BEND2: variants seen among roughly 807,000 people sequenced by gnomAD.
BEND2 encodes the protein BEN domain-containing protein 2.
In BEND2, 19 loss-of-function variants were observed where a neutral mutation model predicts 43.8. The observed-to-expected ratio is 0.43, with a 90% CI of 0.30 to 0.64. The LOEUF is 0.64. Among genes scored for constraint, BEND2 ranks in the 30% least tolerant of loss-of-function variants. The pLI is 0.11. For synonymous variants in BEND2, 226 were observed against 210.1 expected, an observed-to-expected ratio of 1.08 and a Z score of -0.66; for missense variants, 544 against 574.0, an observed-to-expected ratio of 0.95 and a Z score of 0.53.
chrX:18,174,279 A>C, intron 11 of BEND2, 21 bp from the exon 12 acceptor site: 1 of 1,177,935 alleles, frequency 8.5e-7, no homozygotes, highest in Non-Finnish European at 1.2e-6. Context: ...ACAAAATCAT[A>C]TCCGTAAACA....
chrX:18,169,395 A>G (rs964062763), intron 13 of BEND2, among the ~76,000 whole-genome samples: 1 of 110,821 alleles, frequency 9.0e-6, no homozygotes, highest in African/African-American at 3.3e-5. Flanking sequence ...CGAAATGTCT[A>G]TTATCGGTGA....
chrX:18,216,824 TAA>T, intron 1 of BEND2, 91 bp from the exon 2 acceptor site: 1 of 696,401 alleles, frequency 1.4e-6, no homozygotes, highest in South Asian at 2.8e-5. Flanking sequence ...ATAGATTGTT[TAA>T]AAAACATATT....
chrX:18,218,817 G>A (rs1308482647), intron 1 of BEND2, among the ~76,000 whole-genome samples: 2 of 111,849 alleles, frequency 1.8e-5, no homozygotes, highest in East Asian at 2.8e-4. Flanking sequence ...CCGAGATTGC[G>A]CCATTGCACT....
At chrX:18,208,065 AT>A (rs1436520861) in intron 4 of BEND2, among the ~76,000 whole-genome samples, 1 of 111,232 alleles carries the variant, frequency 9.0e-6, no homozygotes, top group Non-Finnish European at 1.9e-5. Context: ...GTGATTAAAA[AT>A]TTTTTTGGCT....
rs187879518 is a variant in BEND2 at position 18,166,465 on chromosome X, G to T, written c.2186-1242C>A. Among the ~76,000 whole-genome samples, 35 of 111,929 alleles carry T rather than the reference G, an allele frequency of 3.1e-4. No individual in the cohort carries two copies. In the East Asian group the frequency reaches 8.7e-3, roughly 28 times the overall value. ...GGGTTCTGAAAAATCCCACAGAAAA[G>T]ATAAGTGGAGCCTCCTTTTGCTGAT... On this transcript the variant is annotated intron_variant, in intron 13 of 13. Coordinates refer to ENST00000380033, the MANE Select transcript of BEND2 (RefSeq NM_153346.5).
intron 5 of BEND2, among the ~76,000 whole-genome samples, chrX:18,202,337 GT>G (rs1925193374): frequency 8.9e-6 from 1 of 112,262 alleles, no homozygotes; most frequent in Non-Finnish European, 1.9e-5. Context: ...AATATGTGCA[GT>G]TTTTTACTTA....
In BEND2 at chrX:18,164,975, G is replaced by GT. The variant is rs751741762; in HGVS notation, c.*33dup. 100 of 1,111,610 alleles carry GT rather than the reference G, an allele frequency of 9.0e-5. No homozygotes were observed. In the African/African-American group the frequency reaches 1.8e-3, roughly 20 times the overall value. 91.6% of individuals were successfully genotyped at this position (1,111,610 alleles called of 1,213,427 possible). ...AGAAACTTACAAAATAGTCTTAACA[G>GT]TTAAAAAAAAAAAAAAAGTTTGGCA... On this transcript the variant is annotated 3_prime_UTR_variant, in exon 14 of 14. Transcript: ENST00000380033.
intron 6 of BEND2, among the ~76,000 whole-genome samples, chrX:18,200,673 G>T (rs1010220164): frequency 2.7e-5 from 3 of 110,952 alleles, no homozygotes; most frequent in Non-Finnish European, 5.7e-5. Flanking sequence ...ATTATAAACA[G>T]AGAACAGATC....
Position 18,177,699 on chromosome X carries a change from G to C in BEND2, c.1500C>G (p.Ala500=). 5 of 1,210,553 alleles carry C rather than the reference G, an allele frequency of 4.1e-6. No individual in the cohort carries two copies. The highest frequency in any genetic ancestry group is 4.5e-6 in the Non-Finnish European group (4 of 894,866). The part of the protein sequence containing the change: ...KIHLLAVQNM[A]KPKQAACYLV... ...AGTAGCAGGCTGCTTGCTTAGGTTT[G>C]GCCATATTTTGTACGGCCAGCAAAT... The change falls in exon 10 of 14, where the codon GCC becomes GCG. Residue 500 remains alanine, a synonymous_variant. Coordinates refer to ENST00000380033, the MANE Select transcript of BEND2 (RefSeq NM_153346.5).
intron 4 of BEND2, among the ~76,000 whole-genome samples, chrX:18,207,241 A>C (rs761360804): frequency 8.9e-6 from 1 of 112,526 alleles, no homozygotes; most frequent in African/African-American, 3.2e-5. Flanking sequence ...AAAATATTTT[A>C]GCTCATTCCA....
Position 18,176,144 on chromosome X carries a change from C to G in BEND2, c.1631-51G>C, listed in dbSNP as rs375227630. 5.9e-5 allele frequency: 67 copies of G among 1,133,574 alleles called. No individual in the cohort carries two copies. In the African/African-American group the frequency reaches 9.8e-4, roughly 17 times the overall value. The allele number at this position is 1,133,574 out of a possible 1,213,427, so 93.4% of individuals were successfully genotyped here. Reference sequence around the variant, plus strand: ...AAAATTAGAAAAAAAAATTAACAAACTAATGAAAAATTTTTTTCTTTAAAC... The same window carrying G: ...AAAATTAGAAAAAAAAATTAACAAAGTAATGAAAAATTTTTTTCTTTAAAC... On this transcript the variant is annotated intron_variant, in intron 10 of 13. Coordinates refer to ENST00000380033, the MANE Select transcript of BEND2 (RefSeq NM_153346.5).
Position 18,202,082 on chromosome X carries a change from C to T in BEND2, c.908-142G>A, listed in dbSNP as rs944945277. 9.4e-5 allele frequency: 54 copies of T among 574,607 alleles called. 1 individual carries two copies. Among genetic ancestry groups the T allele is most frequent in the Middle Eastern group, 9.8e-4 (2 of 2,034 alleles). 47.4% of individuals were successfully genotyped at this position (574,607 alleles called of 1,213,427 possible). On this transcript the variant is annotated intron_variant, in intron 5 of 13. Transcript: ENST00000380033. ...ACAAAAAGAATTTGTCCCCAGCAGA[C>T]TTACCCTTAAAGAAAGGTTAAAGAA...
chrX:18,195,751 C>T (rs1924923356), intron 6 of BEND2, among the ~76,000 whole-genome samples: 1 of 109,976 alleles, frequency 9.1e-6, no homozygotes, highest in Non-Finnish European at 1.9e-5. Flanking sequence ...TGATAGCAAG[C>T]ACCTGTAGTC....
chrX:18,182,488 G>A (rs1378096590), intron 8 of BEND2, among the ~76,000 whole-genome samples: 2 of 111,233 alleles, frequency 1.8e-5, no homozygotes, highest in Non-Finnish European at 3.8e-5. Flanking sequence ...CCAAAAAAAA[G>A]AAAGCAGAGT....
At position 18,171,104 on chromosome X, in the gene BEND2, A is replaced by C; in HGVS notation, c.2082T>G (p.Ile694Met). Residue 694 changes from isoleucine (I) to methionine (M), a missense_variant, in exon 13 of 14, where the codon ATT becomes ATG. Ile to Met is a conservative substitution (Grantham distance 10). This residue lies in a region of BEND2 where 501 missense variants were observed against 501.6 expected (regional missense o/e 1.00). Transcript: ENST00000380033. The stretch of plus-strand genomic sequence containing the variant: ...GGACATCTTTTGTGAAGAGTTTCTG[A>C]ATAAGGTATCTAGCCGACAGGCTTG... ...SCASLSARYLIQKLFTKDVLV... is the reference protein window; with the variant it reads ...SCASLSARYLMQKLFTKDVLV... 1 of 1,211,557 alleles carries C rather than the reference A, an allele frequency of 8.3e-7. No individual in the cohort carries two copies.
rs1923749600 is a variant in BEND2 at position 18,163,619 on chromosome X, T to G, written c.*1390A>C. 8.9e-6 allele frequency: 1 copy of G among 112,321 alleles called. No homozygotes were observed. The highest frequency in any genetic ancestry group is 1.9e-5 in the Non-Finnish European group (1 of 53,288). The allele number at this position is 112,321 out of a possible 1,213,427, so 9.3% of individuals were successfully genotyped here. ...TTAGCAATAGAAGTCTTGAAATTTT[T>G]TTCTAAATGTAAAGTTTTGTTTCTG... On this transcript the variant is annotated 3_prime_UTR_variant, in exon 14 of 14. Coordinates refer to ENST00000380033, the MANE Select transcript of BEND2 (RefSeq NM_153346.5).
chrX:18,192,414 G>A (rs1050865459), intron 7 of BEND2, among the ~76,000 whole-genome samples: 1 of 111,315 alleles, frequency 9.0e-6, no homozygotes, highest in Non-Finnish European at 1.9e-5. Context: ...AGCAAATCTT[G>A]GAGCATCAAA....
chrX:18,168,775 A>G (rs976910234), intron 13 of BEND2, among the ~76,000 whole-genome samples: 4 of 111,713 alleles, frequency 3.6e-5, no homozygotes, highest in African/African-American at 1.3e-4. Context: ...TTTGACTACT[A>G]ATTTTCAGAA....
At chrX:18,199,734 T>C (rs995059935) in intron 6 of BEND2, among the ~76,000 whole-genome samples, 1 of 111,226 alleles carries the variant, frequency 9.0e-6, no homozygotes, top group African/African-American at 3.3e-5. Context: ...CAAAACTATG[T>C]TCCTTGAAGA....
Sources: gnomAD v4.1 joint callset for allele counts (sites outside exome capture counted in the v4.1 genomes callset) on GRCh38, gnomAD v4.1.1 for gene constraint, gnomAD v4.1.1 regional missense constraint, MANE v1.5 for transcripts, NCBI Gene and HGNC (gene_info 2026-07-23, HGNC 2026-07-21) for gene names.